Variants in MAP3K5 observed in about 807,000 individuals in gnomAD.
The protein encoded by MAP3K5 is mitogen-activated protein kinase kinase kinase 5.
A neutral mutation model predicts 158.7 loss-of-function variants in MAP3K5; 56 were observed. That is an observed-to-expected ratio of 0.35 (90% CI 0.28 to 0.44). The LOEUF (loss-of-function observed/expected upper bound fraction) is 0.44. Ranked by LOEUF, MAP3K5 falls within the 20% of genes least tolerant of loss-of-function variation. The probability of loss-of-function intolerance (pLI) is 1.00; values close to 1 mark genes in which losing one functional copy is unlikely to be tolerated. For synonymous variants in MAP3K5, 579 were observed against 601.7 expected, an observed-to-expected ratio of 0.96 and a Z score of 0.55; for missense variants, 1,294 against 1,674.8, an observed-to-expected ratio of 0.77 and a Z score of 3.97.
rs1775430669 is a variant in MAP3K5, at chr6:136,592,453, G to A, written c.3040C>T (p.Arg1014Trp). The change falls in exon 22 of 30, where the codon CGG becomes TGG. Residue 1014 changes from arginine to tryptophan, a missense_variant. Physicochemically the swap from Arg to Trp is moderately radical, Grantham distance 101. Around this residue, in one of 5 missense-constraint regions of MAP3K5, gnomAD observed 362 missense variants for 463.2 expected, o/e 0.78. Coordinates refer to ENST00000359015, the MANE Select transcript of MAP3K5 (RefSeq NM_005923.4). ...SCGERDVKGIRTLFLGIPDEN... is the reference protein window; with the variant it reads ...SCGERDVKGIWTLFLGIPDEN... ...GGTCTTTACCCCAAAAAGAGTGTCC[G>A]AATTCCCTTGACATCTCTTTCTCCG... 1.2e-6 allele frequency: 2 copies of A among 1,613,852 alleles called. No individual in the cohort carries two copies. Among genetic ancestry groups the A allele is most frequent in the Non-Finnish European group, 1.7e-6 (2 of 1,179,952 alleles).
chr6:136,622,518 A>C (rs1776852130), intron 15 of MAP3K5, among the ~76,000 whole-genome samples: 1 of 152,192 alleles, frequency 6.6e-6, no homozygotes, highest in Non-Finnish European at 1.5e-5. Context: ...CACATGCCCG[A>C]CTGGAACCTA....
intron 25 of MAP3K5, among the ~76,000 whole-genome samples, chr6:136,570,126 G>C (rs932900203): frequency 6.6e-6 from 1 of 152,154 alleles, no homozygotes; most frequent in African/African-American, 2.4e-5. Context: ...TTAAGAGCCC[G>C]TGTGTACAGG....
Position 136,580,372 on chromosome 6 carries a change from G to A in MAP3K5, c.3446C>T (p.Pro1149Leu). The change falls in exon 25 of 30, where the codon CCG becomes CTG. Residue 1149 changes from proline to leucine, a missense_variant. Coordinates refer to ENST00000359015, the MANE Select transcript of MAP3K5 (RefSeq NM_005923.4). ...ACTGTCTAAGGCAAACATCCAGTGC[G>A]GCTTGATGTTATGATTCCGAAGAAC... Reference protein sequence around the residue: ...NKVLRNHNIKPHWMFALDSII... With the variant: ...NKVLRNHNIKLHWMFALDSII... 1 of 1,612,892 alleles carries A rather than the reference G, an allele frequency of 6.2e-7. No homozygotes were observed. Among genetic ancestry groups the A allele is most frequent in the East Asian group, 2.2e-5 (1 of 44,854 alleles).
Position 136,791,900 on chromosome 6 carries a change from C to G in MAP3K5, c.258G>C (p.Gly86=), listed in dbSNP as rs1336846184. 1.2e-6 allele frequency: 2 copies of G among 1,613,162 alleles called. No individual in the cohort carries two copies. The highest frequency in any genetic ancestry group is 2.7e-5 in the African/African-American group (2 of 74,908). Residue 86 remains glycine, a synonymous_variant, in exon 1 of 30, where the codon GGG becomes GGC. Transcript: ENST00000359015. The stretch of plus-strand genomic sequence containing the variant: ...ATGCCACCGTGGTCCGTCGGCTGCC[C>G]CCGCCAACAGAGCTGCCCCGGCCTC... The part of the protein sequence containing the change: ...ATRGRGSSVG[G]GSRRTTVAYV...
At chr6:136,589,764 G>A (rs774201748) in intron 23 of MAP3K5, among the ~76,000 whole-genome samples, 1 of 152,110 alleles carries the variant, frequency 6.6e-6, no homozygotes, top group East Asian at 1.9e-4. Context: ...TAATAAGAAG[G>A]TGGCCATCTG....
At chr6:136,743,026 G>C (rs1339451578) in intron 1 of MAP3K5, among the ~76,000 whole-genome samples, 2 of 152,092 alleles carry the variant, frequency 1.3e-5, no homozygotes, top group African/African-American at 4.8e-5. Flanking sequence ...AAAGCTGAAG[G>C]CTGCAGTGAG....
chr6:136,656,211 G>T (rs968271865), intron 10 of MAP3K5, 96 bp downstream of exon 10: 2 of 1,044,932 alleles, frequency 1.9e-6, no homozygotes, highest in Non-Finnish European at 2.9e-6. Flanking sequence ...GCAGTTTTAA[G>T]GCACCAAAAA....
rs1491266433 is a variant in MAP3K5, at chr6:136,642,030, A to AAAATT, written c.1838+489_1838+490insAATTT. Among the ~76,000 whole-genome samples, 13 of 119,326 alleles carry AAAATT rather than the reference A, an allele frequency of 1.1e-4. No homozygotes were observed. In the East Asian group the frequency reaches 3.2e-3, roughly 29 times the overall value. 78.3% of individuals were successfully genotyped at this position (119,326 alleles called of 152,430 possible). ...TAAAATAAAATAAATAAAATAAAAT[A>AAAATT]AAAATAAAATAAAATAAAATAAAAT... On this transcript the variant is annotated intron_variant, in intron 12 of 29. Transcript: ENST00000359015.
intron 7 of MAP3K5, among the ~76,000 whole-genome samples, chr6:136,679,422 ATTAGAATTTCATGTTTTT>A (rs1779840350): frequency 6.6e-6 from 1 of 152,184 alleles, no homozygotes; most frequent in Admixed American, 6.5e-5. Flanking sequence ...AGGTAATTTA[ATTAGAATTTCATGTTTTT>A]TTTTATCTCT....
intron 7 of MAP3K5, among the ~76,000 whole-genome samples, chr6:136,676,797 T>C (rs1743000041): frequency 6.7e-6 from 1 of 148,502 alleles, no homozygotes; most frequent in African/African-American, 2.5e-5. Context: ...TCTTTTCTTT[T>C]TTTTTTTTTT....
At chr6:136,618,809 C>T (rs892547440) in intron 15 of MAP3K5, among the ~76,000 whole-genome samples, 1 of 152,198 alleles carries the variant, frequency 6.6e-6, no homozygotes, top group African/African-American at 2.4e-5. Flanking sequence ...AGAGGAAACT[C>T]TGGAACGACA....
chr6:136,598,966 T>G (rs1026163758), intron 21 of MAP3K5, among the ~76,000 whole-genome samples: 1 of 151,752 alleles, frequency 6.6e-6, no homozygotes, highest in African/African-American at 2.4e-5. Flanking sequence ...AGGCCAGGAG[T>G]TCCAGACCAG....
chr6:136,671,848 A>C (rs1779498246), intron 7 of MAP3K5, among the ~76,000 whole-genome samples: 1 of 151,180 alleles, frequency 6.6e-6, no homozygotes, highest in Admixed American at 6.6e-5. Context: ...CTGGTCTCGA[A>C]CTCCAGACCT....
intron 18 of MAP3K5, among the ~76,000 whole-genome samples, chr6:136,611,003 G>A (rs1335058406): frequency 1.3e-5 from 2 of 151,068 alleles, no homozygotes; most frequent in African/African-American, 4.9e-5. Context: ...AGCTACTCAG[G>A]AGGCTGAGGT....
At chr6:136,774,390 G>A (rs1047228892) in intron 1 of MAP3K5, among the ~76,000 whole-genome samples, 2 of 152,194 alleles carry the variant, frequency 1.3e-5, no homozygotes, top group African/African-American at 2.4e-5. Context: ...AGGAGGTTAC[G>A]GCTGCAGTGA....
chr6:136,614,492 C>T (rs910353408), intron 15 of MAP3K5, among the ~76,000 whole-genome samples: 2 of 152,082 alleles, frequency 1.3e-5, no homozygotes, highest in Non-Finnish European at 2.9e-5. Flanking sequence ...AGGTACTAAG[C>T]CAGTTGTATA....
At chr6:136,668,224 A>T (rs1039800150) in intron 8 of MAP3K5, among the ~76,000 whole-genome samples, 23 of 151,934 alleles carry the variant, frequency 1.5e-4, no homozygotes, top group Admixed American at 9.8e-4. Flanking sequence ...TATAAAAAAA[A>T]ATTTTTTTAA....
intron 1 of MAP3K5, among the ~76,000 whole-genome samples, chr6:136,755,072 C>T (rs1783415142): frequency 6.6e-6 from 1 of 152,090 alleles, no homozygotes; most frequent in South Asian, 2.1e-4. Context: ...AACTCCACTC[C>T]ATTCGCAACA....
intron 8 of MAP3K5, among the ~76,000 whole-genome samples, chr6:136,664,507 G>A (rs1396419685): frequency 2.0e-5 from 3 of 152,042 alleles, no homozygotes; most frequent in South Asian, 2.1e-4. Context: ...AAAAAGGTTG[G>A]GGACTGCTGC....
Sources: gnomAD v4.1 joint callset for allele counts (sites outside exome capture counted in the v4.1 genomes callset) on GRCh38, gnomAD v4.1.1 for gene constraint, gnomAD v4.1.1 regional missense constraint, MANE v1.5 for transcripts, NCBI Gene and HGNC (gene_info 2026-07-23, HGNC 2026-07-21) for gene names.